C5orf47: variants seen among roughly 807,000 people sequenced by gnomAD.
C5orf47 encodes uncharacterized protein C5orf47.
In C5orf47, 20 loss-of-function variants were observed where a neutral mutation model predicts 20.6. The ratio of observed to expected loss-of-function variants is 0.97; its 90% CI spans 0.68 to 1.41. The LOEUF (loss-of-function observed/expected upper bound fraction) is 1.41. C5orf47 is among the 40% of genes most tolerant of loss of function. The pLI is 0.00. For synonymous variants in C5orf47, 106 were observed against 97.3 expected (o/e 1.09, Z -0.53); for missense variants, 262 against 238.4 (o/e 1.10, Z -0.65).
intron 1 of C5orf47, among the ~76,000 whole-genome samples, chr5:173,993,739 T>A (rs982001970): frequency 1.3e-5 from 2 of 152,078 alleles, no homozygotes; most frequent in African/African-American, 4.8e-5. Context: ...GAAAAAAAAA[T>A]CTCAAGTTGA....
chr5:173,990,752 C>T (rs1046768631), intron 1 of C5orf47, among the ~76,000 whole-genome samples: 1 of 152,124 alleles, frequency 6.6e-6, no homozygotes, highest in African/African-American at 2.4e-5. Flanking sequence ...CTTGGTTTTT[C>T]TAAGTCAGCT....
chr5:174,005,003 G>A lies in C5orf47; in HGVS notation c.*749G>A, dbSNP rs946060577. The A allele has an allele frequency of 1.3e-5, 2 of 152,100 alleles. No homozygotes were observed. Among genetic ancestry groups the A allele is most frequent in the East Asian group, 1.9e-4 (1 of 5,198 alleles). The allele number at this position is 152,100 out of a possible 1,614,324, so 9.4% of individuals were successfully genotyped here. A position where few individuals can be genotyped will look rare whatever the true frequency, so the allele number is the denominator to read the frequency against. On this transcript the variant is annotated 3_prime_UTR_variant, in exon 5 of 5. Coordinates refer to ENST00000340147, the MANE Select transcript of C5orf47 (RefSeq NM_001144954.2). ...ATTCTGAAAATCATTTAGAAGTATT[G>A]TTTAATAAGTCCTTTTTTTCTACTC... is the stretch of plus-strand genomic sequence containing the variant.
intron 1 of C5orf47, among the ~76,000 whole-genome samples, chr5:173,992,528 C>G (rs948724280): frequency 3.7e-4 from 56 of 151,866 alleles, no homozygotes; most frequent in African/African-American, 1.3e-3. Context: ...TTACTTTGTT[C>G]TTCTTATACT....
intron 1 of C5orf47, among the ~76,000 whole-genome samples, chr5:173,996,475 CAA>C (rs1160783679): frequency 6.6e-6 from 1 of 152,080 alleles, no homozygotes; most frequent in Non-Finnish European, 1.5e-5. Context: ...GACTTACAAA[CAA>C]GAAACATTTG....
chr5:174,005,465 A>G lies in C5orf47; in HGVS notation c.*1211A>G, dbSNP rs949877129. On this transcript the variant is annotated 3_prime_UTR_variant, in exon 5 of 5. Transcript: ENST00000340147. ...GTGGTAACATGATCTTCTAGTGACTATTTATCAAATCCACCTGTTTCTAGA... is the reference window on the plus strand; with the variant it reads ...GTGGTAACATGATCTTCTAGTGACTGTTTATCAAATCCACCTGTTTCTAGA... 3.9e-5 allele frequency: 6 copies of G among 152,310 alleles called. No homozygotes were observed. The highest frequency in any genetic ancestry group is 7.3e-5 in the Non-Finnish European group (5 of 68,034). The allele number at this position is 152,310 out of a possible 1,614,324, so 9.4% of individuals were successfully genotyped here. A position where few individuals can be genotyped will look rare whatever the true frequency, so the allele number is the denominator to read the frequency against.
At chr5:174,004,249 A>C (rs1759247972) in intron 4 of C5orf47, 22 bp from the exon 5 acceptor site, 1 of 152,320 alleles carries the variant, frequency 6.6e-6, no homozygotes, top group African/African-American at 2.4e-5. Context: ...CAAGAACTCA[A>C]TTTTGTCATT....
chr5:174,006,548 A>G (rs968719303), downstream of C5orf47, among the ~76,000 whole-genome samples: 1 of 152,226 alleles, frequency 6.6e-6, no homozygotes, highest in African/African-American at 2.4e-5. Context: ...TTTACATCCA[A>G]TATAAGCTGA....
chr5:173,997,300 A>G (rs905553917), intron 1 of C5orf47, among the ~76,000 whole-genome samples: 3 of 152,192 alleles, frequency 2.0e-5, no homozygotes, highest in Admixed American at 6.5e-5. Flanking sequence ...AATATTCTAG[A>G]CAAAATGAGA....
rs191527663 is a variant in C5orf47 at position 173,994,275 on chromosome 5, T to G, written c.326-3878T>G. ...ATTTGCAGAGCATACTTCTCAGATG[T>G]AATGGTTTCACTGGGATTCAGAAAA... On this transcript the variant is annotated intron_variant, in intron 1 of 4. Transcript: ENST00000340147. Among the ~76,000 whole-genome samples, 9 of 152,352 alleles carry G rather than the reference T, an allele frequency of 5.9e-5. No homozygotes were observed. In the East Asian group the frequency reaches 1.5e-3, roughly 26 times the overall value.
At position 174,005,081 on chromosome 5, in the gene C5orf47, TGGTACGATC is replaced by T. The variant is rs1759265529; in HGVS notation, c.*828_*836del. ...TCCGCCAGTTTTTCTGCTTTTTTGC[TGGTACGATC>T]TCTCTTTCTAAATTGAATCAAAGAC... On this transcript the variant is annotated 3_prime_UTR_variant, in exon 5 of 5. Transcript: ENST00000340147. The T allele has an allele frequency of 6.6e-6, 1 of 152,212 alleles. No individual in the cohort carries two copies. The highest frequency in any genetic ancestry group is 1.5e-5 in the Non-Finnish European group (1 of 68,040). 9.4% of individuals were successfully genotyped at this position (152,212 alleles called of 1,614,324 possible). A position where few individuals can be genotyped will look rare whatever the true frequency, so the allele number is the denominator to read the frequency against.
chr5:174,001,493 T>C (rs1406632415), intron 4 of C5orf47, among the ~76,000 whole-genome samples: 1 of 152,086 alleles, frequency 6.6e-6, no homozygotes, highest in African/African-American at 2.4e-5. Context: ...TCTTTTTCTT[T>C]CTTTTTTTCT....
chr5:173,999,743 T>G lies in C5orf47; in HGVS notation c.455T>G (p.Leu152Arg). Residue 152 changes from leucine to arginine, a missense_variant, in exon 3 of 5, where the codon CTT becomes CGT. Transcript: ENST00000340147. Reference sequence around the variant, plus strand: ...GTATACAAAGTCATTTCAAGAATGCTTGAAGAAAATGAAAAATATAGACAC... The same window carrying G: ...GTATACAAAGTCATTTCAAGAATGCGTGAAGAAAATGAAAAATATAGACAC... The part of the protein sequence containing the change: ...NRVYKVISRM[L>R]EENEKYRHRL... 6.5e-7 allele frequency: 1 copy of G among 1,535,394 alleles called. No homozygotes were observed. Among genetic ancestry groups the G allele is most frequent in the Non-Finnish European group, 8.8e-7 (1 of 1,135,126 alleles).
Position 173,989,272 on chromosome 5 carries a change from G to GGCAGGCCGGGGTCGGGA in C5orf47, c.15_31dup (p.Asp11AlafsTer14). 7.2e-7 allele frequency: 1 copy of GGCAGGCCGGGGTCGGGA among 1,381,676 alleles called. No homozygotes were observed. The highest frequency in any genetic ancestry group is 1.7e-5 in the South Asian group (1 of 58,782). The allele number at this position is 1,381,676 out of a possible 1,614,324, so 85.6% of individuals were successfully genotyped here. On this transcript the variant is annotated frameshift_variant, in exon 1 of 5. Coordinates refer to ENST00000340147, the MANE Select transcript of C5orf47 (RefSeq NM_001144954.2). LOFTEE classifies it high-confidence loss of function. ...CGTTGACTGAGGCTGCGATGGCGGC[G>GGCAGGCCGGGGTCGGGA]GCAGGCCGGGGTCGGGAGCAGGACT...
At chr5:174,008,095 A>G (rs753602647), downstream of C5orf47, among the ~76,000 whole-genome samples, 8 of 152,328 alleles carry the variant, frequency 5.3e-5, no homozygotes, top group South Asian at 4.1e-4. Flanking sequence ...TAGGAGTCCA[A>G]CGTAGAAAGC....
chr5:173,990,936 G>T (rs1468287935), intron 1 of C5orf47, among the ~76,000 whole-genome samples: 1 of 152,138 alleles, frequency 6.6e-6, no homozygotes, highest in Non-Finnish European at 1.5e-5. Context: ...TGCATGCTTA[G>T]TTCACATATT....
chr5:173,998,831 G>A (rs1759145494), intron 2 of C5orf47, among the ~76,000 whole-genome samples: 1 of 152,188 alleles, frequency 6.6e-6, no homozygotes, highest in Admixed American at 6.5e-5. Flanking sequence ...ATTATTGGTT[G>A]ATAGTGACAC....
At chr5:174,003,792 A>G (rs994916959) in intron 4 of C5orf47, among the ~76,000 whole-genome samples, 1 of 152,164 alleles carries the variant, frequency 6.6e-6, no homozygotes, top group Non-Finnish European at 1.5e-5. Flanking sequence ...GCAGGAAATC[A>G]AGGGATTGGG....
intron 2 of C5orf47, 101 bp downstream of exon 2, chr5:173,998,339 C>G (rs965177013): frequency 1.7e-6 from 1 of 603,878 alleles, no homozygotes. Flanking sequence ...ATAGTACCAT[C>G]TTTTGAATAA....
chr5:174,006,875 TA>T (rs2113380160), downstream of C5orf47, among the ~76,000 whole-genome samples: 1 of 152,362 alleles, frequency 6.6e-6, no homozygotes, highest in South Asian at 2.1e-4. Flanking sequence ...AGCTGTGCTG[TA>T]TTGTGAATTC....
Sources: gnomAD v4.1 joint callset for allele counts (sites outside exome capture counted in the v4.1 genomes callset) on GRCh38, gnomAD v4.1.1 for gene constraint, MANE v1.5 for transcripts, NCBI Gene and HGNC (gene_info 2026-07-23, HGNC 2026-07-21) for gene names.